The following TMEM131L variants were observed in gnomAD, a reference collection of about 807,000 sequenced individuals.
TMEM131L encodes transmembrane 131 like, also known as transmembrane protein 131-like.
Under a neutral mutation model 192.2 loss-of-function variants are expected in TMEM131L, and 54 were observed. The observed-to-expected ratio is 0.28, with a 90% CI of 0.23 to 0.35. The LOEUF (loss-of-function observed/expected upper bound fraction) is 0.35. Among genes scored for constraint, TMEM131L ranks in the 10% least tolerant of loss-of-function variants. The probability of loss-of-function intolerance (pLI) is 1.00; values close to 1 mark genes in which losing one functional copy is unlikely to be tolerated. For synonymous variants in TMEM131L, 701 were observed against 704.9 expected, an observed-to-expected ratio of 0.99 and a Z score of 0.09; for missense variants, 1,888 against 1,972.9, an observed-to-expected ratio of 0.96 and a Z score of 0.82.
Position 153,635,494 on chromosome 4 carries a change from C to G in TMEM131L, c.4480C>G (p.His1494Asp). The G allele has an allele frequency of 1.2e-6, 2 of 1,613,962 alleles. No homozygotes were observed. Among genetic ancestry groups the G allele is most frequent in the Non-Finnish European group, 1.7e-6 (2 of 1,179,802 alleles). Residue 1494 changes from histidine to aspartate, a missense_variant, in exon 34 of 35, where the codon CAC (histidine) becomes GAC (aspartate). His to Asp is a moderately conservative substitution (Grantham distance 81). Coordinates refer to ENST00000409959, the MANE Select transcript of TMEM131L (RefSeq NM_001131007.2). ...PADVQTDFID[H>D]NSQSTWNTPP... ...AGATGTTCAGACAGACTTTATTGAT[C>G]ACAACTCTCAGTCTACCTGGAACAC...
chr4:153,498,612 T>C (rs1435914673), intron 3 of TMEM131L, among the ~76,000 whole-genome samples: 2 of 152,202 alleles, frequency 1.3e-5, no homozygotes, highest in African/African-American at 2.4e-5. Context: ...CTTCACAAGA[T>C]GCAAATGTTT....
chr4:153,490,880 G>A (rs540016873), intron 3 of TMEM131L, among the ~76,000 whole-genome samples: 1 of 151,344 alleles, frequency 6.6e-6, no homozygotes, highest in South Asian at 2.1e-4. Context: ...CGTGAACCCG[G>A]GAGGTGGAGG....
intron 20 of TMEM131L, among the ~76,000 whole-genome samples, chr4:153,597,658 T>C (rs1437025641): frequency 1.3e-5 from 2 of 152,282 alleles, no homozygotes; most frequent in Admixed American, 6.5e-5. Flanking sequence ...CCAGGCCAGG[T>C]GTAGTGGCTT....
intron 32 of TMEM131L, 143 bp downstream of exon 32, chr4:153,632,981 C>A: frequency 3.4e-6 from 3 of 872,740 alleles, no homozygotes; most frequent in African/African-American, 1.7e-5. Flanking sequence ...TTTCCTTCTG[C>A]CTTTTAGAGT....
At position 153,634,217 on chromosome 4, in the gene TMEM131L, G is replaced by A. The variant is rs377219807; in HGVS notation, c.4354G>A (p.Glu1452Lys). Reference protein sequence around the residue: ...NSFIDWSATCEGQFSSAYCPL... With the variant: ...NSFIDWSATCKGQFSSAYCPL... Reference sequence around the variant, plus strand: ...TTTCATTGATTGGAGTGCAACATGCGAAGGCCAGTTTTCCAGCGCATACTG... The same window carrying A: ...TTTCATTGATTGGAGTGCAACATGCAAAGGCCAGTTTTCCAGCGCATACTG... Residue 1452 changes from glutamate (E) to lysine (K), a missense_variant, in exon 33 of 35, where the codon GAA (glutamate) becomes AAA (lysine). Physicochemically the swap from Glu to Lys is moderately conservative, Grantham distance 56 (BLOSUM62 1). Coordinates refer to ENST00000409959, the MANE Select transcript of TMEM131L (RefSeq NM_001131007.2). The A allele has an allele frequency of 2.5e-6, 4 of 1,613,940 alleles. No individual in the cohort carries two copies. Among genetic ancestry groups the A allele is most frequent in the Non-Finnish European group, 3.4e-6 (4 of 1,179,960 alleles).
intron 3 of TMEM131L, among the ~76,000 whole-genome samples, chr4:153,506,612 G>T (rs111825848): frequency 5.9e-5 from 9 of 152,030 alleles, no homozygotes; most frequent in Non-Finnish European, 1.0e-4. Context: ...AGAGGCCAAG[G>T]GGGGGACTCA....
intron 7 of TMEM131L, among the ~76,000 whole-genome samples, chr4:153,573,704 G>A (rs1381906294): frequency 2.0e-5 from 3 of 152,126 alleles, no homozygotes; most frequent in Non-Finnish European, 4.4e-5. Context: ...GGGAGTGGGA[G>A]GTAGTGTCCA....
At chr4:153,592,402 T>G in intron 17 of TMEM131L, 73 bp from the exon 18 acceptor site, 1 of 985,928 alleles carries the variant, frequency 1.0e-6, no homozygotes, top group Non-Finnish European at 1.6e-6. Flanking sequence ...TAGGTTATGC[T>G]TTTTGGCCAG....
chr4:153,522,441 C>T lies in TMEM131L; in HGVS notation c.240-27632C>T, dbSNP rs184602541. 1.5e-3 allele frequency among the ~76,000 whole-genome samples: 232 copies of T among 152,190 alleles called. 2 individuals carry two copies. Among genetic ancestry groups the T allele is most frequent in the African/African-American group, 5.3e-3 (220 of 41,518 alleles). On this transcript the variant is annotated intron_variant, in intron 3 of 34. Coordinates refer to ENST00000409959, the MANE Select transcript of TMEM131L (RefSeq NM_001131007.2). The stretch of plus-strand genomic sequence containing the variant: ...AGGAGGAGACCGGGATGGAAGTAAA[C>T]GTGAAGGCAGTGCTGCGGGCAGAGG...
At chr4:153,546,065 T>C (rs1236730118) in intron 3 of TMEM131L, among the ~76,000 whole-genome samples, 4 of 152,038 alleles carry the variant, frequency 2.6e-5, no homozygotes, top group Admixed American at 2.0e-4. Flanking sequence ...ATGTTATATA[T>C]ATAGTAATAG....
At position 153,584,935 on chromosome 4, in the gene TMEM131L, G is replaced by C. The variant is rs371808088; in HGVS notation, c.1157+4G>C. ...TCTTCTCTTCTGTGGCTCAGGGGTAGGTTACTTCCACTTTCCCTGAAATCT... is the reference window on the plus strand; with the variant it reads ...TCTTCTCTTCTGTGGCTCAGGGGTACGTTACTTCCACTTTCCCTGAAATCT... On this transcript the variant is annotated splice_donor_region_variant and intron_variant, in intron 12 of 34. Coordinates refer to ENST00000409959, the MANE Select transcript of TMEM131L (RefSeq NM_001131007.2). 2.5e-6 allele frequency: 4 copies of C among 1,605,034 alleles called. No homozygotes were observed. Among genetic ancestry groups the C allele is most frequent in the Non-Finnish European group, 3.4e-6 (4 of 1,172,054 alleles).
In TMEM131L at chr4:153,621,742, G is replaced by A; in HGVS notation, c.3752G>A (p.Ser1251Asn). 1 of 1,614,168 alleles carries A rather than the reference G, an allele frequency of 6.2e-7. No homozygotes were observed. Among genetic ancestry groups the A allele is most frequent in the South Asian group, 1.1e-5 (1 of 91,078 alleles). Reference protein sequence around the residue: ...VCSDFERSELSSDINVRSWCI... With the variant: ...VCSDFERSELNSDINVRSWCI... ...AGTGACTTTGAGAGGTCTGAGCTGA[G>A]CAGTGACATCAATGTAAGAAGCTGG... Residue 1251 changes from serine (S) to asparagine (N), a missense_variant, in exon 28 of 35, where the codon AGC becomes AAC. Ser to Asn is a conservative substitution (Grantham distance 46, BLOSUM62 1). Coordinates refer to ENST00000409959, the MANE Select transcript of TMEM131L (RefSeq NM_001131007.2).
chr4:153,576,689 A>C (rs58441484), intron 7 of TMEM131L, among the ~76,000 whole-genome samples: 119 of 152,252 alleles, frequency 7.8e-4, no homozygotes, highest in Middle Eastern at 6.8e-3. Context: ...AAAAAAAAAA[A>C]AACTTATAAA....
At chr4:153,556,107 T>A (rs1366022423) in intron 5 of TMEM131L, among the ~76,000 whole-genome samples, 197 bp downstream of exon 5, 2 of 123,902 alleles carry the variant, frequency 1.6e-5, no homozygotes, top group African/African-American at 6.3e-5. Context: ...TCTTGATATC[T>A]ACTGGGGCCG....
intron 3 of TMEM131L, among the ~76,000 whole-genome samples, chr4:153,526,873 C>A (rs1344615339): frequency 6.6e-6 from 1 of 152,060 alleles, no homozygotes; most frequent in Non-Finnish European, 1.5e-5. Context: ...GTAAATTGTT[C>A]TGGTAATTAA....
At chr4:153,501,842 G>A (rs750463504) in intron 3 of TMEM131L, among the ~76,000 whole-genome samples, 5 of 151,388 alleles carry the variant, frequency 3.3e-5, no homozygotes, top group Non-Finnish European at 7.4e-5. Flanking sequence ...TGCCCAACCC[G>A]CAGGATCATC....
chr4:153,516,468 A>G lies in TMEM131L; in HGVS notation c.240-33605A>G, dbSNP rs145502262. On this transcript the variant is annotated intron_variant, in intron 3 of 34. Coordinates refer to ENST00000409959, the MANE Select transcript of TMEM131L (RefSeq NM_001131007.2). ...TCGTCTTGAAATCCTGGGCTCAAAC[A>G]ATTCACCTGCCTCAGCCTCCCAAAG... 1.6e-3 allele frequency among the ~76,000 whole-genome samples: 236 copies of G among 152,150 alleles called. 5 individuals are homozygous for G. Among genetic ancestry groups the G allele is most frequent in the Non-Finnish European group, 6.8e-4 (46 of 68,000 alleles).
intron 16 of TMEM131L, 36 bp from the exon 17 acceptor site, chr4:153,591,017 A>C: frequency 7.2e-7 from 1 of 1,388,884 alleles, no homozygotes; most frequent in East Asian, 2.5e-5. Context: ...AAATATCAAA[A>C]TATTTTTCAT....
intron 15 of TMEM131L, 51 bp from the exon 16 acceptor site, chr4:153,588,839 T>C: frequency 1.0e-6 from 1 of 977,736 alleles, no homozygotes. Flanking sequence ...TATTTACTAA[T>C]TGAATTATGT....
Sources: allele counts gnomAD v4.1 joint callset (sites outside exome capture counted in the v4.1 genomes callset), GRCh38; gene constraint gnomAD v4.1.1; transcripts MANE v1.5; gene names NCBI Gene and HGNC (gene_info 2026-07-23, HGNC 2026-07-21).